The following MCTP2 variants were observed in gnomAD, a reference collection of about 807,000 sequenced individuals.
MCTP2 encodes multiple C2 and transmembrane domain containing 2.
Under a neutral mutation model 111.6 loss-of-function variants are expected in MCTP2, and 132 were observed. That is an observed-to-expected ratio of 1.18 (90% CI 1.03 to 1.37). The LOEUF (loss-of-function observed/expected upper bound fraction) is 1.37. MCTP2 is among the 40% of genes most tolerant of loss of function. The probability of loss-of-function intolerance (pLI) is 0.00; values close to 1 mark genes in which losing one functional copy is unlikely to be tolerated. For synonymous variants in MCTP2, 395 were observed against 387.7 expected (o/e 1.02, Z -0.22); for missense variants, 1,183 against 1,067.9 (o/e 1.11, Z -1.50).
rs1335099828 is a variant in MCTP2 at position 94,483,023 on chromosome 15, G to T, written c.*3989G>T. ...GAAGTGAGTGGATGTGAAAATATGG[G>T]GCCTCTGAATGGAGGTAACCCTTGA... On this transcript the variant is annotated 3_prime_UTR_variant, in exon 23 of 23. Coordinates refer to ENST00000357742, the MANE Select transcript of MCTP2 (RefSeq NM_001385001.1). The T allele has an allele frequency of 6.6e-6, 1 of 152,116 alleles. No individual in the cohort carries two copies. Among genetic ancestry groups the T allele is most frequent in the Non-Finnish European group, 1.5e-5 (1 of 68,036 alleles). The allele number at this position is 152,116 out of a possible 1,614,324, so 9.4% of individuals were successfully genotyped here.
At chr15:94,287,926 C>T (rs921114864) in intron 1 of MCTP2, among the ~76,000 whole-genome samples, 4 of 152,166 alleles carry the variant, frequency 2.6e-5, no homozygotes, top group Admixed American at 6.5e-5. Flanking sequence ...AGTCCTGAAG[C>T]TAAGAGGGAG....
At chr15:94,434,541 G>T (rs2083361949) in intron 17 of MCTP2, among the ~76,000 whole-genome samples, 1 of 151,974 alleles carries the variant, frequency 6.6e-6, no homozygotes, top group South Asian at 2.1e-4. Flanking sequence ...GTTAAATTTT[G>T]TATGTTATGT....
rs755287019 is a variant in MCTP2, at chr15:94,267,869, C to CTTTTTTTTTTTT, written c.-65-30329_-65-30318dup. ...GGTCTGGATTACTTTCCTTTTCTTTCTTTTTTTTTTTTTTGAGACAGAGTC... is the reference window on the plus strand; with the variant it reads ...GGTCTGGATTACTTTCCTTTTCTTTCTTTTTTTTTTTTTTTTTTTTTTTTTTGAGACAGAGTC... On this transcript the variant is annotated intron_variant, in intron 1 of 22. Coordinates refer to ENST00000357742, the MANE Select transcript of MCTP2 (RefSeq NM_001385001.1). Among the ~76,000 whole-genome samples the CTTTTTTTTTTTT allele has an allele frequency of 2.8e-3, 216 of 77,438 alleles. 4 individuals carry two copies. The highest frequency in any genetic ancestry group is 5.0e-3 in the South Asian group (10 of 2,002). 50.8% of individuals were successfully genotyped at this position (77,438 alleles called of 152,430 possible). A position where few individuals can be genotyped will look rare whatever the true frequency, so the allele number is the denominator to read the frequency against.
At chr15:94,416,620 C>G (rs1418116896) in intron 17 of MCTP2, among the ~76,000 whole-genome samples, 1 of 152,130 alleles carries the variant, frequency 6.6e-6, no homozygotes, top group African/African-American at 2.4e-5. Context: ...GCCCTTTGGG[C>G]ATATGGTTCA....
At chr15:94,453,572 C>G (rs2084606410) in intron 19 of MCTP2, among the ~76,000 whole-genome samples, 1 of 152,148 alleles carries the variant, frequency 6.6e-6, no homozygotes, top group Non-Finnish European at 1.5e-5. Flanking sequence ...TTAAGCCTTC[C>G]TGCTAACAGA....
chr15:94,473,670 A>G (rs1166605894), intron 21 of MCTP2, among the ~76,000 whole-genome samples: 1 of 152,122 alleles, frequency 6.6e-6, no homozygotes, highest in Non-Finnish European at 1.5e-5. Flanking sequence ...TCTAAGCTAA[A>G]TTTTTAGCTT....
chr15:94,323,278 C>T (rs1432439541), intron 4 of MCTP2, among the ~76,000 whole-genome samples: 3 of 152,098 alleles, frequency 2.0e-5, no homozygotes, highest in Non-Finnish European at 4.4e-5. Context: ...CACCAGGACA[C>T]CTCAGGGTCT....
rs1039395825 is a variant in MCTP2 at position 94,298,328 on chromosome 15, C to G, written c.63C>G (p.Ile21Met). 2 of 1,614,070 alleles carry G rather than the reference C, an allele frequency of 1.2e-6. No individual in the cohort carries two copies. Among genetic ancestry groups the G allele is most frequent in the Non-Finnish European group, 1.7e-6 (2 of 1,180,002 alleles). Residue 21 changes from isoleucine to methionine, a missense_variant, in exon 2 of 23, where the codon ATC (isoleucine) becomes ATG (methionine). By Grantham distance (10) the Ile-to-Met change is conservative. Coordinates refer to ENST00000357742, the MANE Select transcript of MCTP2 (RefSeq NM_001385001.1). ...AACAGCGGACCAGGCCATTGTTGATCAACTTGAGCAAGAAGAAGGTGAAAA... is the reference window on the plus strand; with the variant it reads ...AACAGCGGACCAGGCCATTGTTGATGAACTTGAGCAAGAAGAAGGTGAAAA... ...SLKQRTRPLL[I>M]NLSKKKVKKN...
At chr15:94,318,831 T>A (rs2076499768) in intron 4 of MCTP2, among the ~76,000 whole-genome samples, 2 of 152,328 alleles carry the variant, frequency 1.3e-5, no homozygotes, top group South Asian at 4.1e-4. Context: ...TATCTTGCTG[T>A]TTCAAGACCA....
At chr15:94,258,033 C>CTTTTT (rs2072941740) in intron 1 of MCTP2, among the ~76,000 whole-genome samples, 2 of 84,938 alleles carry the variant, frequency 2.4e-5, no homozygotes, top group East Asian at 3.1e-4. Flanking sequence ...GCCACCATGT[C>CTTTTT]ATTTTTTTTT....
chr15:94,456,007 T>G (rs1011451927), intron 19 of MCTP2, among the ~76,000 whole-genome samples: 4 of 152,194 alleles, frequency 2.6e-5, no homozygotes, highest in Non-Finnish European at 5.9e-5. Flanking sequence ...AAAAATCTAT[T>G]TTTTATTTGA....
At chr15:94,416,342 A>G (rs2082378728) in intron 17 of MCTP2, among the ~76,000 whole-genome samples, 1 of 151,964 alleles carries the variant, frequency 6.6e-6, no homozygotes, top group African/African-American at 2.4e-5. Flanking sequence ...CTCATCCTGT[A>G]TAAAGCTGTC....
intron 1 of MCTP2, among the ~76,000 whole-genome samples, chr15:94,279,951 G>C (rs536389329): frequency 6.6e-6 from 1 of 152,208 alleles, no homozygotes; most frequent in African/African-American, 2.4e-5. Context: ...CCCAGAAATA[G>C]TACTATATCA....
At chr15:94,260,177 G>A (rs1005221518) in intron 1 of MCTP2, among the ~76,000 whole-genome samples, 8 of 152,116 alleles carry the variant, frequency 5.3e-5, no homozygotes, top group Admixed American at 1.3e-4. Flanking sequence ...TTCTGGCCAC[G>A]GAAACTTCTC....
At chr15:94,301,390 G>C (rs1021494111) in intron 2 of MCTP2, among the ~76,000 whole-genome samples, 1 of 152,134 alleles carries the variant, frequency 6.6e-6, no homozygotes, top group Non-Finnish European at 1.5e-5. Context: ...CCCAGTCTGA[G>C]TTCCAAAACT....
rs1311528303 is a variant in MCTP2 at position 94,356,253 on chromosome 15, A to G, written c.1122A>G (p.Thr374=). Residue 374 remains threonine (T), a synonymous_variant, in exon 9 of 23, where the codon ACA becomes ACG. Transcript: ENST00000357742. ...EGKNVSGGSM[T]EMFVQLKLGD... is the part of the protein sequence containing the mutation. ...AGAATGTCTCAGGAGGAAGCATGAC[A>G]GAGATGTTTGTCCAGTTAAAACTGG... 1 of 1,610,944 alleles carries G rather than the reference A, an allele frequency of 6.2e-7. No homozygotes were observed. The highest frequency in any genetic ancestry group is 1.3e-5 in the African/African-American group (1 of 74,812).
intron 2 of MCTP2, among the ~76,000 whole-genome samples, chr15:94,301,838 T>G (rs544086168): frequency 9.8e-4 from 148 of 151,406 alleles, no homozygotes; most frequent in Middle Eastern, 3.4e-3. Flanking sequence ...TTCTGCTTTT[T>G]TTTTTTTTTT....
chr15:94,243,344 T>A (rs1183063931), intron 1 of MCTP2, among the ~76,000 whole-genome samples: 1 of 148,212 alleles, frequency 6.7e-6, no homozygotes, highest in Non-Finnish European at 1.5e-5. Flanking sequence ...TATGCGTATG[T>A]ACATACATAC....
chr15:94,409,809 T>TA lies in MCTP2; in HGVS notation c.2085+7790_2085+7791insA, dbSNP rs545410046. Among the ~76,000 whole-genome samples, 19 of 152,000 alleles carry TA rather than the reference T, an allele frequency of 1.3e-4. No individual in the cohort carries two copies. The South Asian group carries it at 4.0e-3, about 32-fold the overall frequency. On this transcript the variant is annotated intron_variant, in intron 17 of 22. Transcript: ENST00000357742. ...GATATTGAAATGCAGGAATGAATTT[T>TA]CATACTGAGCACTCGTAAGTCTATC...
Sources: gnomAD v4.1 joint callset for allele counts (sites outside exome capture counted in the v4.1 genomes callset) on GRCh38, gnomAD v4.1.1 for gene constraint, MANE v1.5 for transcripts, NCBI Gene and HGNC (gene_info 2026-07-23, HGNC 2026-07-21) for gene names.